Variants in PCDH7 observed in about 807,000 individuals in gnomAD.
PCDH7 encodes protocadherin 7, also known as protocadherin-7.
PCDH7 carries 17 observed loss-of-function variants against 58.9 expected under a neutral mutation model. The observed-to-expected ratio is 0.29, with a 90% CI of 0.20 to 0.43. PCDH7 has a LOEUF of 0.43. Ranked by LOEUF, PCDH7 falls within the 20% of genes least tolerant of loss-of-function variation. The probability of loss-of-function intolerance (pLI) is 1.00; values close to 1 mark genes in which losing one functional copy is unlikely to be tolerated. For synonymous variants in PCDH7, 664 were observed against 616.4 expected (o/e 1.08, Z -1.14); for missense variants, 1,274 against 1,441.0 (o/e 0.88, Z 1.88).
At chr4:30,918,030 T>C (rs1578282703) in intron 1 of PCDH7, among the ~76,000 whole-genome samples, 1 of 152,178 alleles carries the variant, frequency 6.6e-6, no homozygotes, top group African/African-American at 2.4e-5. Flanking sequence ...TTTGTGTTAA[T>C]GAAGGTATTC....
intron 1 of PCDH7, among the ~76,000 whole-genome samples, chr4:30,894,490 A>AAAAAAAATATATATAT (rs1553909431): frequency 3.0e-5 from 1 of 33,518 alleles, no homozygotes; most frequent in Non-Finnish European, 5.8e-5. Flanking sequence ...AAAAAAAAAA[A>AAAAAAAATATATATAT]ATATATATAT....
rs1435968063 is a variant in PCDH7 at position 30,908,248 on chromosome 4, A to AAG, written c.71-11904_71-11903insGA. The stretch of plus-strand genomic sequence containing the variant: ...CCCTAGAACTTAAAGAATAATAAAA[A>AAG]AAAAAAAGAAGAAAAGAAAAGAGAA... On this transcript the variant is annotated intron_variant, in intron 1 of 3. Coordinates refer to the PCDH7 transcript ENST00000509759. Among the ~76,000 whole-genome samples, 57 of 151,620 alleles carry AAG rather than the reference A, an allele frequency of 3.8e-4. No homozygotes were observed. The South Asian group carries it at 0.012, about 31-fold the overall frequency.
intron 3 of PCDH7, among the ~76,000 whole-genome samples, chr4:31,120,441 C>CTT (rs138878762): frequency 4.6e-5 from 5 of 107,996 alleles, no homozygotes; most frequent in Non-Finnish European, 9.5e-5. Context: ...CTATTTTTTT[C>CTT]TTTTTTTTTT....
intron 3 of PCDH7, among the ~76,000 whole-genome samples, chr4:31,115,075 G>T (rs555353740): frequency 3.3e-5 from 5 of 152,072 alleles, no homozygotes; most frequent in Non-Finnish European, 7.4e-5. Flanking sequence ...CTTCTGACCC[G>T]TTTCCCTCCC....
chr4:31,037,420 G>A (rs1390736534), intron 3 of PCDH7, among the ~76,000 whole-genome samples: 1 of 152,096 alleles, frequency 6.6e-6, no homozygotes, highest in African/African-American at 2.4e-5. Flanking sequence ...TTAGATATCA[G>A]GAGCTCTCCT....
intron 3 of PCDH7, among the ~76,000 whole-genome samples, chr4:30,989,369 T>C (rs1751265350): frequency 6.6e-6 from 1 of 152,228 alleles, no homozygotes. Flanking sequence ...CTAGTACATA[T>C]AGCTATATAA....
At chr4:30,871,591 T>C (rs1037745790) in intron 1 of PCDH7, among the ~76,000 whole-genome samples, 3 of 152,116 alleles carry the variant, frequency 2.0e-5, no homozygotes, top group Non-Finnish European at 4.4e-5. Flanking sequence ...AAAGTGTCGA[T>C]GATCAGCTGG....
intron 3 of PCDH7, among the ~76,000 whole-genome samples, chr4:31,018,008 A>C (rs1753753744): frequency 6.6e-6 from 1 of 152,202 alleles, no homozygotes; most frequent in Non-Finnish European, 1.5e-5. Flanking sequence ...TAAATTAGAC[A>C]GTTTTAATAA....
intron 1 of PCDH7, among the ~76,000 whole-genome samples, chr4:30,866,721 C>T (rs1322325028): frequency 2.6e-5 from 4 of 151,630 alleles, no homozygotes; most frequent in Admixed American, 6.6e-5. Context: ...AAGTATTGTC[C>T]TTTTGATGTG....
intron 3 of PCDH7, among the ~76,000 whole-genome samples, chr4:31,048,564 G>A (rs897562878): frequency 1.1e-4 from 16 of 152,040 alleles, no homozygotes; most frequent in Admixed American, 2.6e-4. Context: ...TTTATGCAAG[G>A]ACAGACCTGT....
chr4:31,059,210 C>T (rs916147114), intron 3 of PCDH7, among the ~76,000 whole-genome samples: 1 of 151,790 alleles, frequency 6.6e-6, no homozygotes, highest in African/African-American at 2.4e-5. Flanking sequence ...GAAATGACAA[C>T]CAATTTTGAA....
chr4:30,909,165 T>C (rs1245141822), intron 1 of PCDH7, among the ~76,000 whole-genome samples: 1 of 152,174 alleles, frequency 6.6e-6, no homozygotes, highest in Non-Finnish European at 1.5e-5. Flanking sequence ...AAACTAGGTA[T>C]TGATGGAACA....
At chr4:30,810,533 ACT>A (rs1246055528) in intron 1 of PCDH7, among the ~76,000 whole-genome samples, 1 of 151,478 alleles carries the variant, frequency 6.6e-6, no homozygotes, top group Non-Finnish European at 1.5e-5. Flanking sequence ...AATGATGAAA[ACT>A]CTTGTAAATT....
At chr4:31,056,457 AG>A (rs1255763104) in intron 3 of PCDH7, among the ~76,000 whole-genome samples, 1 of 26,152 alleles carries the variant, frequency 3.8e-5, no homozygotes, top group Non-Finnish European at 6.2e-5. Context: ...AAAGAAAGAA[AG>A]AAGAAAGAAA....
chr4:31,145,334 C>T (rs1720606750), downstream of PCDH7: 1 of 151,892 alleles, frequency 6.6e-6, no homozygotes, highest in South Asian at 2.1e-4. Flanking sequence ...GTAGAATTAG[C>T]TGTCATAACA....
At chr4:30,767,290 C>T (rs1030801795) in intron 1 of PCDH7, among the ~76,000 whole-genome samples, 5 of 152,110 alleles carry the variant, frequency 3.3e-5, no homozygotes, top group South Asian at 2.1e-4. Context: ...TAAGAATTAG[C>T]GGTCTACAGT....
intron 1 of PCDH7, among the ~76,000 whole-genome samples, chr4:30,750,279 C>T (rs544048831): frequency 3.6e-4 from 55 of 152,224 alleles, no homozygotes; most frequent in African/African-American, 1.3e-3. Flanking sequence ...AATCCTGTTT[C>T]TTTTCTCTCT....
intron 3 of PCDH7, among the ~76,000 whole-genome samples, chr4:31,054,527 C>T (rs750004635): frequency 6.6e-5 from 10 of 152,198 alleles, no homozygotes; most frequent in Admixed American, 1.3e-4. Context: ...CATCAACTTT[C>T]ACAGAAGAGA....
At chr4:30,902,205 C>G (rs1227982291) in intron 1 of PCDH7, among the ~76,000 whole-genome samples, 1 of 152,114 alleles carries the variant, frequency 6.6e-6, no homozygotes, top group Non-Finnish European at 1.5e-5. Flanking sequence ...TGTCTGCTAC[C>G]CGTTAATCAT....
Sources: gnomAD v4.1 joint callset for allele counts (sites outside exome capture counted in the v4.1 genomes callset) on GRCh38, gnomAD v4.1.1 for gene constraint, MANE v1.5 for transcripts, NCBI Gene and HGNC (gene_info 2026-07-23, HGNC 2026-07-21) for gene names.